RPS6KA2: variants seen among roughly 807,000 people sequenced by gnomAD.
RPS6KA2 encodes ribosomal protein S6 kinase A2.
RPS6KA2 carries 42 observed loss-of-function variants against 91.8 expected under a neutral mutation model. That is an observed-to-expected ratio of 0.46 (90% CI 0.36 to 0.59). RPS6KA2 has a LOEUF of 0.59. Ranked by LOEUF, RPS6KA2 falls within the 20% of genes least tolerant of loss-of-function variation. The pLI, the probability that RPS6KA2 is intolerant of heterozygous loss-of-function variation, is 0.00. For missense variants in RPS6KA2, 798 were observed against 978.5 expected, an observed-to-expected ratio of 0.82 and a Z score of 2.46; for synonymous variants, 414 against 393.6, an observed-to-expected ratio of 1.05 and a Z score of -0.61.
chr6:166,534,243 A>G lies in RPS6KA2; in HGVS notation c.217-2930T>C, dbSNP rs577556517. Among the ~76,000 whole-genome samples, 104 of 150,606 alleles carry G rather than the reference A, an allele frequency of 6.9e-4. 3 individuals are homozygous for G. In the East Asian group the frequency reaches 9.8e-3, roughly 14 times the overall value. On this transcript the variant is annotated intron_variant, in intron 2 of 20. Coordinates refer to ENST00000265678, the MANE Select transcript of RPS6KA2 (RefSeq NM_021135.6). ...TCTCAAAAAAAAAAAAAAAAAAAAA[A>G]AAAGAAAGAAAAAACAAAAATTAGT...
rs1425433275 is a variant in RPS6KA2, at chr6:166,500,868, C to A, written c.604+19G>T. 6.8e-6 allele frequency: 11 copies of A among 1,612,278 alleles called. No individual in the cohort carries two copies. The highest frequency in any genetic ancestry group is 9.3e-6 in the Non-Finnish European group (11 of 1,178,496). On this transcript the variant is annotated intron_variant, in intron 7 of 20. Coordinates refer to ENST00000265678, the MANE Select transcript of RPS6KA2 (RefSeq NM_021135.6). The surrounding 1 kb of genome is among the most constrained non-coding windows in gnomAD (Gnocchi z 4.3). ...GGCTGAGATGAAGCCATGGAGGGGG[C>A]CTGCCGTCTTTTACAAACCTGTGAT... is the stretch of plus-strand genomic sequence containing the variant.
Position 166,669,465 on chromosome 6 carries a change from C to T in RPS6KA2, c.124-130681G>A, listed in dbSNP as rs146087388. On this transcript the variant is annotated intron_variant, in intron 2 of 21. Coordinates refer to the RPS6KA2 transcript ENST00000503859. ...ATGTTCCTGGATTCTGCCTCACCCT[C>T]GCCTCTGTTGGGGGTTGAGAACCTG... Among the ~76,000 whole-genome samples, 22 of 152,328 alleles carry T rather than the reference C, an allele frequency of 1.4e-4. No individual in the cohort carries two copies. The East Asian group carries it at 1.7e-3, about 12-fold the overall frequency.
intron 2 of RPS6KA2, among the ~76,000 whole-genome samples, chr6:166,831,879 C>T (rs1356154522): frequency 1.4e-5 from 2 of 141,364 alleles, no homozygotes; most frequent in Admixed American, 1.5e-4. Flanking sequence ...AGATGATAGA[C>T]AGATGATAGA....
rs1439331329 is a variant in RPS6KA2, at chr6:166,423,544, C to T, written c.1582-127G>A. ...CCTAGCAGGTCCTGCAAGCAGGCAA[C>T]AGGCCAACAGTGTCAACAGCTGCTG... On this transcript the variant is annotated intron_variant, in intron 16 of 20. Transcript: ENST00000265678. The surrounding 1 kb of genome is among the most constrained non-coding windows in gnomAD (Gnocchi z 4.8). The T allele has an allele frequency of 2.4e-6, 2 of 835,520 alleles. No individual in the cohort carries two copies. The highest frequency in any genetic ancestry group is 3.7e-6 in the Non-Finnish European group (2 of 546,884). The allele number at this position is 835,520 out of a possible 1,614,324, so 51.8% of individuals were successfully genotyped here. A position where few individuals can be genotyped will look rare whatever the true frequency, so the allele number is the denominator to read the frequency against.
intron 2 of RPS6KA2, among the ~76,000 whole-genome samples, chr6:166,632,505 G>A (rs983401722): frequency 2.6e-5 from 4 of 152,066 alleles, no homozygotes; most frequent in East Asian, 1.9e-4. Flanking sequence ...CCAGCTACTC[G>A]GGAGGCTAAG....
At chr6:166,479,481 G>A (rs6456086) in intron 10 of RPS6KA2, among the ~76,000 whole-genome samples, 38,252 of 152,164 alleles carry the variant, frequency 0.25, 7,374 homozygotes, top group African/African-American at 0.55. Flanking sequence ...GCTGCCCGAA[G>A]AGCATGGTGA....
chr6:166,456,235 G>A (rs1032800695), intron 12 of RPS6KA2, among the ~76,000 whole-genome samples: 9 of 152,204 alleles, frequency 5.9e-5, no homozygotes, highest in African/African-American at 2.2e-4. Context: ...AAGGCCAAGT[G>A]GATCTTCACC....
At chr6:166,810,572 T>C (rs1033610540) in intron 2 of RPS6KA2, among the ~76,000 whole-genome samples, 2 of 152,190 alleles carry the variant, frequency 1.3e-5, no homozygotes, top group Non-Finnish European at 2.9e-5. Flanking sequence ...CGGTAATCAA[T>C]GGCATCACCT....
Position 166,418,458 on chromosome 6 carries a change from C to T in RPS6KA2, c.1821-116G>A. 3 of 773,078 alleles carry T rather than the reference C, an allele frequency of 3.9e-6. No homozygotes were observed. Among genetic ancestry groups the T allele is most frequent in the Admixed American group, 4.6e-5 (2 of 43,720 alleles). The allele number at this position is 773,078 out of a possible 1,614,324, so 47.9% of individuals were successfully genotyped here. A position where few individuals can be genotyped will look rare whatever the true frequency, so the allele number is the denominator to read the frequency against. On this transcript the variant is annotated intron_variant, in intron 18 of 20. Coordinates refer to ENST00000265678, the MANE Select transcript of RPS6KA2 (RefSeq NM_021135.6). The surrounding 1 kb of genome is among the most constrained non-coding windows in gnomAD (Gnocchi z 4.9). ...AGGAATAGCACTTTGCTTCTCCCTC[C>T]TCTGCTCTGAAGCCAGGATTCATGG... is the stretch of plus-strand genomic sequence containing the variant.
chr6:166,628,528 G>C (rs1342842592), upstream of RPS6KA2, among the ~76,000 whole-genome samples: 2 of 152,218 alleles, frequency 1.3e-5, no homozygotes, highest in Non-Finnish European at 2.9e-5. Flanking sequence ...TGGGTAGAGA[G>C]GTCAGAATGT....
At chr6:166,851,947 C>T (rs1266800353) in intron 2 of RPS6KA2, among the ~76,000 whole-genome samples, 1 of 152,134 alleles carries the variant, frequency 6.6e-6, no homozygotes, top group Non-Finnish European at 1.5e-5. Context: ...GATATGCTGT[C>T]CCAATCTTCT....
chr6:166,499,357 C>G (rs1023082080), intron 7 of RPS6KA2, among the ~76,000 whole-genome samples: 1 of 152,206 alleles, frequency 6.6e-6, no homozygotes. Flanking sequence ...CCCAGAGAGG[C>G]CATGTCCTTG....
chr6:166,622,992 A>G (rs1451050240), intron 1 of RPS6KA2, among the ~76,000 whole-genome samples: 1 of 152,244 alleles, frequency 6.6e-6, no homozygotes, highest in Non-Finnish European at 1.5e-5. Context: ...TGAACAATTG[A>G]GCAAATAGAT....
In RPS6KA2 at chr6:166,662,846, G is replaced by C. The variant is rs1421064627; in HGVS notation, c.124-124062C>G. ...ATTCCATTAAATGAGGCCTCGGAGT[G>C]GGTGCTTATCCGCTCTGACTGCTGT... On this transcript the variant is annotated intron_variant, in intron 2 of 21. Coordinates refer to the RPS6KA2 transcript ENST00000503859. This position sits in a 1 kb window ranked among gnomAD's most constrained non-coding sequence, Gnocchi z 4.3. 2.0e-5 allele frequency among the ~76,000 whole-genome samples: 3 copies of C among 152,138 alleles called. No individual in the cohort carries two copies. The highest frequency in any genetic ancestry group is 7.2e-5 in the African/African-American group (3 of 41,420).
intron 2 of RPS6KA2, among the ~76,000 whole-genome samples, chr6:166,760,893 C>G (rs1778150915): frequency 6.6e-6 from 1 of 152,196 alleles, no homozygotes; most frequent in African/African-American, 2.4e-5. Flanking sequence ...GGACTTGGTA[C>G]TTTTGAAAGT....
At chr6:166,711,922 CAG>C (rs1249658604) in intron 2 of RPS6KA2, among the ~76,000 whole-genome samples, 5 of 150,422 alleles carry the variant, frequency 3.3e-5, no homozygotes, top group Admixed American at 1.3e-4. Flanking sequence ...GACTGATTGA[CAG>C]AGAGAGAGAG....
At chr6:166,724,440 T>TAA (rs574961396) in intron 2 of RPS6KA2, among the ~76,000 whole-genome samples, 153 of 146,964 alleles carry the variant, frequency 1.0e-3, no homozygotes, top group African/African-American at 3.6e-3. Flanking sequence ...AAACTGATAT[T>TAA]AAAAAAAAAA....
At chr6:166,486,427 T>C (rs1781412595) in intron 10 of RPS6KA2, among the ~76,000 whole-genome samples, 1 of 152,232 alleles carries the variant, frequency 6.6e-6, no homozygotes, top group Non-Finnish European at 1.5e-5. Context: ...TCTCAGTGAC[T>C]TGGGGCTGCT....
intron 2 of RPS6KA2, among the ~76,000 whole-genome samples, chr6:166,769,348 G>A (rs2128606178): frequency 6.6e-6 from 1 of 152,346 alleles, no homozygotes; most frequent in African/African-American, 2.4e-5. Flanking sequence ...ATTACAGCTT[G>A]ACTCTTTTTT....
Sources: gnomAD v4.1 joint callset for allele counts (sites outside exome capture counted in the v4.1 genomes callset) on GRCh38, gnomAD v4.1.1 for gene constraint, Gnocchi (gnomAD v3.1) non-coding constraint, MANE v1.5 for transcripts, NCBI Gene and HGNC (gene_info 2026-07-23, HGNC 2026-07-21) for gene names.